The following ITGBL1 variants were observed in gnomAD, a reference collection of about 807,000 sequenced individuals.
ITGBL1 encodes integrin beta-like protein 1.
A neutral mutation model predicts 68.5 loss-of-function variants in ITGBL1; 51 were observed. That is an observed-to-expected ratio of 0.74 (90% CI 0.59 to 0.94). ITGBL1 has a LOEUF of 0.94. Ranked by LOEUF, ITGBL1 falls within the 40% of genes least tolerant of loss-of-function variation. ITGBL1 has a pLI of 0.00. For synonymous variants in ITGBL1, 209 were observed against 227.3 expected, an observed-to-expected ratio of 0.92 and a Z score of 0.72; for missense variants, 649 against 647.4, an observed-to-expected ratio of 1.00 and a Z score of -0.03.
chr13:101,657,722 G>A (rs2032971248), intron 7 of ITGBL1, among the ~76,000 whole-genome samples: 1 of 152,170 alleles, frequency 6.6e-6, no homozygotes, highest in South Asian at 2.1e-4. Context: ...TGATTTACAT[G>A]TTGAACACTA....
chr13:101,578,370 T>C (rs1340290931), intron 4 of ITGBL1, among the ~76,000 whole-genome samples: 1 of 152,172 alleles, frequency 6.6e-6, no homozygotes, highest in African/African-American at 2.4e-5. Context: ...CACAAACTCC[T>C]ATAATACAGA....
chr13:101,656,068 T>C (rs551785970), intron 7 of ITGBL1, among the ~76,000 whole-genome samples: 2 of 152,270 alleles, frequency 1.3e-5, no homozygotes, highest in Admixed American at 6.5e-5. Flanking sequence ...GGAGGGGGGC[T>C]TCCTCGCTAA....
chr13:101,702,821 C>T (rs149962878), intron 8 of ITGBL1, among the ~76,000 whole-genome samples: 77 of 152,262 alleles, frequency 5.1e-4, no homozygotes, highest in African/African-American at 1.7e-3. Context: ...TTATTTAACT[C>T]TTTAAGGACA....
chr13:101,631,493 CCA>C (rs1264498737), intron 7 of ITGBL1, among the ~76,000 whole-genome samples: 1 of 151,668 alleles, frequency 6.6e-6, no homozygotes, highest in African/African-American at 2.4e-5. Flanking sequence ...TTTCAGATAC[CCA>C]CACAGAGAAA....
intron 8 of ITGBL1, among the ~76,000 whole-genome samples, chr13:101,700,029 A>G (rs895749963): frequency 3.3e-5 from 5 of 152,140 alleles, no homozygotes; most frequent in Non-Finnish European, 5.9e-5. Context: ...CCCCAAGACT[A>G]ATTTCTCCCT....
At chr13:101,482,349 T>TTA (rs2048637647) in intron 2 of ITGBL1, among the ~76,000 whole-genome samples, 1 of 145,660 alleles carries the variant, frequency 6.9e-6, no homozygotes, top group Non-Finnish European at 1.5e-5. Flanking sequence ...TTTTTTTTTT[T>TTA]ACTATATCTG....
intron 2 of ITGBL1, among the ~76,000 whole-genome samples, chr13:101,520,108 CAT>C (rs1427112398): frequency 6.6e-6 from 1 of 152,114 alleles, no homozygotes; most frequent in African/African-American, 2.4e-5. Flanking sequence ...CTGCAGATCA[CAT>C]AGAATTTGTA....
chr13:101,692,152 C>CT (rs199838196), intron 7 of ITGBL1, among the ~76,000 whole-genome samples: 286 of 151,444 alleles, frequency 1.9e-3, no homozygotes, highest in Non-Finnish European at 2.8e-3. Flanking sequence ...CCTATGACCA[C>CT]TTTTTTTTTC....
rs1389576992 is a variant in ITGBL1 at position 101,638,560 on chromosome 13, C to T, written c.1015+40261C>T. ...CAGTTCCACATGGCTGGAGAGGCCT[C>T]ACAATCATGGTGGAAGGTGAAAGGC... is the stretch of plus-strand genomic sequence containing the variant. On this transcript the variant is annotated intron_variant, in intron 7 of 10. Transcript: ENST00000376180. Among the ~76,000 whole-genome samples the T allele has an allele frequency of 3.3e-5, 5 of 152,152 alleles. No individual in the cohort carries two copies. The East Asian group carries it at 9.6e-4, about 29-fold the overall frequency.
intron 2 of ITGBL1, among the ~76,000 whole-genome samples, chr13:101,518,697 G>T (rs558265104): frequency 6.6e-6 from 1 of 152,222 alleles, no homozygotes; most frequent in African/African-American, 2.4e-5. Flanking sequence ...ATGTAATTCT[G>T]CCATACAAAG....
chr13:101,698,877 T>TTTC (rs2139570044), intron 8 of ITGBL1, among the ~76,000 whole-genome samples: 1 of 152,302 alleles, frequency 6.6e-6, no homozygotes, highest in Admixed American at 6.5e-5. Flanking sequence ...GCTTATTGCT[T>TTTC]TTCTTCTTTC....
intron 7 of ITGBL1, among the ~76,000 whole-genome samples, chr13:101,628,693 G>A (rs1209989182): frequency 2.0e-5 from 3 of 150,760 alleles, no homozygotes; most frequent in Non-Finnish European, 4.4e-5. Context: ...ACCCACCTTG[G>A]CCTCCCAAAG....
At chr13:101,559,735 C>T (rs963776518) in intron 2 of ITGBL1, among the ~76,000 whole-genome samples, 3 of 152,200 alleles carry the variant, frequency 2.0e-5, no homozygotes, top group Non-Finnish European at 4.4e-5. Context: ...ACTACTTAAA[C>T]TCTGCTCAGT....
chr13:101,481,000 ATATGTGTGTG>A lies in ITGBL1; in HGVS notation c.316+26902_316+26911del, dbSNP rs1178349192. On this transcript the variant is annotated intron_variant, in intron 2 of 10. Transcript: ENST00000376180. ...ATAGGGAGCCTTTTAATGCCAAAAG[ATATGTGTGTG>A]TGTGTGTGTGTGTGTGTGTGTGTGT... is the stretch of plus-strand genomic sequence containing the variant. Among the ~76,000 whole-genome samples the A allele has an allele frequency of 1.5e-3, 192 of 128,124 alleles. 1 individual carries two copies. Among genetic ancestry groups the A allele is most frequent in the African/African-American group, 5.2e-3 (184 of 35,236 alleles). 84.1% of individuals were successfully genotyped at this position (128,124 alleles called of 152,430 possible).
intron 2 of ITGBL1, among the ~76,000 whole-genome samples, chr13:101,481,228 G>A (rs996809067): frequency 6.6e-6 from 1 of 151,756 alleles, no homozygotes; most frequent in Non-Finnish European, 1.5e-5. Flanking sequence ...GGCAGGCAAT[G>A]TGAGCAGAGA....
rs1300879744 is a variant in ITGBL1 at position 101,694,280 on chromosome 13, C to A, written c.1132+1579C>A. ...CTCTTTTTGTTTGTTAAGGACATGA[C>A]ATATATTAACTCATTTATTTATCAT... On this transcript the variant is annotated intron_variant, in intron 8 of 10. Transcript: ENST00000376180. 7.9e-5 allele frequency among the ~76,000 whole-genome samples: 12 copies of A among 152,244 alleles called. 1 individual carries two copies. Among genetic ancestry groups the A allele is most frequent in the African/African-American group, 2.9e-4 (12 of 41,548 alleles).
chr13:101,669,952 G>C (rs2033317813), intron 7 of ITGBL1, among the ~76,000 whole-genome samples: 1 of 151,976 alleles, frequency 6.6e-6, no homozygotes, highest in Non-Finnish European at 1.5e-5. Context: ...TTTTCATATT[G>C]TTAAAGTTGT....
At chr13:101,690,521 G>A (rs1339787592) in intron 7 of ITGBL1, among the ~76,000 whole-genome samples, 1 of 152,148 alleles carries the variant, frequency 6.6e-6, no homozygotes, top group Non-Finnish European at 1.5e-5. Context: ...TGTGTGTGAA[G>A]GAACAGTTCA....
intron 2 of ITGBL1, among the ~76,000 whole-genome samples, chr13:101,474,589 G>A (rs1416749406): frequency 6.6e-6 from 1 of 152,164 alleles, no homozygotes; most frequent in African/African-American, 2.4e-5. Context: ...CAGTAGCCAG[G>A]CAGTGTGGTT....
Sources: gnomAD v4.1 joint callset for allele counts (sites outside exome capture counted in the v4.1 genomes callset) on GRCh38, gnomAD v4.1.1 for gene constraint, MANE v1.5 for transcripts, NCBI Gene and HGNC (gene_info 2026-07-23, HGNC 2026-07-21) for gene names.